ACER1: variants seen among roughly 807,000 people sequenced by gnomAD.
ACER1 encodes CTB-180A7.3.
ACER1 carries 28 observed loss-of-function variants against 24.9 expected under a neutral mutation model. The ratio of observed to expected loss-of-function variants is 1.13; its 90% confidence interval spans 0.83 to 1.54. The LOEUF is 1.54. Among genes scored for constraint, ACER1 ranks in the 40% most tolerant of loss-of-function variants. The probability of loss-of-function intolerance (pLI) is 0.00; values close to 1 mark genes in which losing one functional copy is unlikely to be tolerated. For synonymous variants in ACER1, 132 were observed against 131.4 expected (o/e 1.00, Z -0.03); for missense variants, 352 against 349.3 (o/e 1.01, Z -0.06).
the ACER1 span, among the ~76,000 whole-genome samples, chr19:6,357,632 C>T: frequency 1.3e-5 from 2 of 150,172 alleles, no homozygotes; most frequent in East Asian, 1.9e-4. Context: ...CTTATCTGGG[C>T]GTGATGGTGG....
chr19:6,359,378 G>A, the ACER1 span, among the ~76,000 whole-genome samples: 1 of 151,368 alleles, frequency 6.6e-6, no homozygotes, highest in East Asian at 1.9e-4. Context: ...GAGTACAGTG[G>A]TGTGATCTCG....
chr19:6,350,283 T>C, the ACER1 span, among the ~76,000 whole-genome samples: 2 of 151,682 alleles, frequency 1.3e-5, no homozygotes, highest in Non-Finnish European at 2.9e-5. Flanking sequence ...CTGGCCAACA[T>C]GGTGAAACCC....
At chr19:6,351,277 A>G in the ACER1 span, among the ~76,000 whole-genome samples, 5 of 151,734 alleles carry the variant, frequency 3.3e-5, no homozygotes, top group African/African-American at 9.7e-5. Flanking sequence ...GAGGCAGGAG[A>G]ATCACTTGAA....
chr19:6,312,482 G>C lies in ACER1; in HGVS notation c.111C>G (p.Phe37Leu). ...GCATCATCAGTGGCCCGAAGATGAAGAAGGGGATATTGGAGAACTGGAGCA... is the reference window on the plus strand; with the variant it reads ...GCATCATCAGTGGCCCGAAGATGAACAAGGGGATATTGGAGAACTGGAGCA... Reference protein sequence around the residue: ...EFYNTFSNIPFFIFGPLMMLL... With the variant: ...EFYNTFSNIPLFIFGPLMMLL... The change falls in exon 2 of 6, where the codon TTC (phenylalanine) becomes TTG (leucine). Residue 37 changes from phenylalanine to leucine, a missense_variant. Physicochemically the swap from Phe to Leu is conservative, Grantham distance 22 (BLOSUM62 0). Coordinates refer to ENST00000301452, the MANE Select transcript of ACER1 (RefSeq NM_133492.3). 1 of 1,613,874 alleles carries C rather than the reference G, an allele frequency of 6.2e-7. No individual in the cohort carries two copies. The highest frequency in any genetic ancestry group is 8.5e-7 in the Non-Finnish European group (1 of 1,179,954).
At chr19:6,324,857 G>GAA in intron 1 of ACER1, among the ~76,000 whole-genome samples, 1 of 86,852 alleles carries the variant, frequency 1.2e-5, no homozygotes, top group South Asian at 3.7e-4. Flanking sequence ...AAGAGAGAGA[G>GAA]AGAAAGGAAG....
At chr19:6,355,885 C>T in the ACER1 span, among the ~76,000 whole-genome samples, 3 of 149,802 alleles carry the variant, frequency 2.0e-5, no homozygotes, top group East Asian at 2.0e-4. Context: ...CGCCTCGGTC[C>T]GGGAGGTGAG....
intron 4 of ACER1, among the ~76,000 whole-genome samples, chr19:6,309,291 G>A (rs1043431103): frequency 3.3e-5 from 5 of 152,120 alleles, no homozygotes; most frequent in African/African-American, 1.2e-4. Context: ...GGCTGAGGTG[G>A]GTGGATCGCT....
upstream of ACER1, among the ~76,000 whole-genome samples, chr19:6,333,872 TTATG>T (rs1384385239): frequency 6.6e-6 from 1 of 152,056 alleles, no homozygotes; most frequent in Non-Finnish European, 1.5e-5. Flanking sequence ...TTTTTATCTT[TTATG>T]TATGTATGTA....
intron 1 of ACER1, among the ~76,000 whole-genome samples, chr19:6,314,978 G>A (rs926193860): frequency 5.9e-5 from 9 of 151,742 alleles, no homozygotes; most frequent in East Asian, 2.0e-4. Context: ...TGCAAGCTCC[G>A]CCTCCTGGGT....
the ACER1 span, among the ~76,000 whole-genome samples, chr19:6,347,109 A>AAAAT: frequency 2.3e-3 from 264 of 113,724 alleles, 2 homozygotes; most frequent in East Asian, 0.016. Context: ...AAAAAAAAAA[A>AAAAT]ATATATATAT....
chr19:6,315,371 T>TTTTTG (rs1004900719), intron 1 of ACER1, among the ~76,000 whole-genome samples: 17 of 151,576 alleles, frequency 1.1e-4, no homozygotes, highest in South Asian at 4.2e-4. Context: ...GTCCAGCTAA[T>TTTTTG]TTTTGTTTTG....
At chr19:6,311,141 T>G (rs1445719655) in intron 3 of ACER1, among the ~76,000 whole-genome samples, 1 of 139,466 alleles carries the variant, frequency 7.2e-6, no homozygotes, top group African/African-American at 2.7e-5. Flanking sequence ...CGGGTGAATT[T>G]AAGAGATGTC....
chr19:6,347,109 A>AAAAAAAAAAAAAAAAAAAAAAT, the ACER1 span, among the ~76,000 whole-genome samples: 3 of 113,778 alleles, frequency 2.6e-5, no homozygotes, highest in African/African-American at 1.5e-4. Context: ...AAAAAAAAAA[A>AAAAAAAAAAAAAAAAAAAAAAT]ATATATATAT....
chr19:6,341,607 C>CTTTTG, the ACER1 span, among the ~76,000 whole-genome samples: 7 of 145,382 alleles, frequency 4.8e-5, no homozygotes, highest in South Asian at 2.2e-4. Context: ...TTTTTGTTTT[C>CTTTTG]TTTTGTTTTG....
chr19:6,333,669 G>A, upstream of ACER1: 1 of 849,212 alleles, frequency 1.2e-6, no homozygotes, highest in East Asian at 2.8e-5. Flanking sequence ...CAGGCAGACT[G>A]GGAGGAAAAA....
chr19:6,330,860 A>T (rs1368483689), intron 1 of ACER1, among the ~76,000 whole-genome samples: 1 of 149,558 alleles, frequency 6.7e-6, no homozygotes, highest in Non-Finnish European at 1.5e-5. Flanking sequence ...TCATAATCCC[A>T]CTTCCCAGGT....
the ACER1 span, among the ~76,000 whole-genome samples, chr19:6,347,109 A>AAAAAAAAATATATAT: frequency 3.7e-4 from 42 of 113,764 alleles, 1 homozygote; most frequent in East Asian, 3.6e-3. Flanking sequence ...AAAAAAAAAA[A>AAAAAAAAATATATAT]ATATATATAT....
rs563993553 is a variant in ACER1 at position 6,315,532 on chromosome 19, G to A, written c.94-3033C>T. ...GCAGCTGGGACTACAGGTGCACGCC[G>A]CCACACCTGGCTAATTTTTTGTATT... On this transcript the variant is annotated intron_variant, in intron 1 of 5. Transcript: ENST00000301452. Among the ~76,000 whole-genome samples the A allele has an allele frequency of 2.9e-4, 44 of 152,016 alleles. No individual in the cohort carries two copies. The South Asian group carries it at 7.9e-3, about 27-fold the overall frequency.
chr19:6,326,418 G>A (rs915181273), intron 1 of ACER1, among the ~76,000 whole-genome samples: 10 of 151,646 alleles, frequency 6.6e-5, no homozygotes, highest in African/African-American at 1.7e-4. Context: ...GAGCCACTGC[G>A]CCCGGCCTAT....
Sources: gnomAD v4.1 joint callset for allele counts (sites outside exome capture counted in the v4.1 genomes callset) on GRCh38, gnomAD v4.1.1 for gene constraint, MANE v1.5 for transcripts, NCBI Gene and HGNC (gene_info 2026-07-23, HGNC 2026-07-21) for gene names.